The following GRID1 variants were observed in gnomAD, a reference collection of about 807,000 sequenced individuals.
GRID1 encodes the protein glutamate receptor ionotropic, delta-1.
Under a neutral mutation model 98.0 loss-of-function variants are expected in GRID1, and 28 were observed. That is an observed-to-expected ratio of 0.29 (90% CI 0.21 to 0.39). The LOEUF (loss-of-function observed/expected upper bound fraction) is 0.39, where lower values mean the gene tolerates loss of function less well. Ranked by LOEUF, GRID1 falls within the 10% of genes least tolerant of loss-of-function variation. The probability of loss-of-function intolerance (pLI) is 1.00; values close to 1 mark genes in which losing one functional copy is unlikely to be tolerated. For missense variants in GRID1, 1,111 were observed against 1,340.5 expected (o/e 0.83, Z 2.67); for synonymous variants, 553 against 538.5 (o/e 1.03, Z -0.37).
chr10:86,268,078 A>G (rs953354711), intron 2 of GRID1, among the ~76,000 whole-genome samples: 2 of 152,136 alleles, frequency 1.3e-5, no homozygotes, highest in African/African-American at 4.8e-5. Context: ...TTCCCTAGAC[A>G]GTAAGCTTCT....
intron 2 of GRID1, among the ~76,000 whole-genome samples, chr10:86,301,677 A>G (rs780717438): frequency 1.3e-5 from 2 of 152,220 alleles, no homozygotes; most frequent in African/African-American, 2.4e-5. Flanking sequence ...TCCAAAAGCC[A>G]GTGCATCCAG....
intron 4 of GRID1, among the ~76,000 whole-genome samples, chr10:86,010,832 TA>T (rs1207681411): frequency 3.6e-5 from 5 of 137,710 alleles, no homozygotes; most frequent in Non-Finnish European, 4.8e-5. Flanking sequence ...AAAAAAAAAG[TA>T]ATGAGTTGAA....
At chr10:85,771,171 C>A (rs1387241038) in intron 8 of GRID1, among the ~76,000 whole-genome samples, 1 of 152,196 alleles carries the variant, frequency 6.6e-6, no homozygotes, top group Non-Finnish European at 1.5e-5. Flanking sequence ...CAATATTCAA[C>A]ACTCTTAAGG....
chr10:85,968,485 A>G (rs1842367788), intron 4 of GRID1, among the ~76,000 whole-genome samples: 1 of 151,412 alleles, frequency 6.6e-6, no homozygotes, highest in Non-Finnish European at 1.5e-5. Flanking sequence ...ACTGCCTGTA[A>G]TAACACTTTT....
intron 5 of GRID1, among the ~76,000 whole-genome samples, chr10:85,883,371 T>C (rs983151356): frequency 3.9e-5 from 6 of 152,228 alleles, no homozygotes; most frequent in African/African-American, 1.4e-4. Context: ...ATATTCTACG[T>C]CAGATACTTC....
chr10:86,086,764 A>C (rs556402899), intron 4 of GRID1, among the ~76,000 whole-genome samples: 1 of 152,234 alleles, frequency 6.6e-6, no homozygotes, highest in Non-Finnish European at 1.5e-5. Context: ...GTGTGTGGAC[A>C]GTGTGTGTTG....
intron 12 of GRID1, among the ~76,000 whole-genome samples, chr10:85,658,343 C>T (rs1461755053): frequency 6.6e-6 from 1 of 152,224 alleles, no homozygotes; most frequent in Non-Finnish European, 1.5e-5. Flanking sequence ...TCTGCTAACA[C>T]TTGCTTTATA....
intron 12 of GRID1, among the ~76,000 whole-genome samples, chr10:85,677,777 G>A (rs1841161316): frequency 6.6e-6 from 1 of 152,148 alleles, no homozygotes; most frequent in South Asian, 2.1e-4. Context: ...AAAGAGGAGT[G>A]TTGAAGGAAA....
chr10:85,998,812 T>C (rs1207975979), intron 4 of GRID1, among the ~76,000 whole-genome samples: 2 of 152,060 alleles, frequency 1.3e-5, no homozygotes, highest in Non-Finnish European at 2.9e-5. Context: ...AGATAAAACA[T>C]CACAACAGAC....
At chr10:86,166,422 G>T (rs926994860) in intron 3 of GRID1, among the ~76,000 whole-genome samples, 1 of 152,226 alleles carries the variant, frequency 6.6e-6, no homozygotes, top group Non-Finnish European at 1.5e-5. Flanking sequence ...CGACATTTAT[G>T]CAGCCAACAG....
intron 8 of GRID1, among the ~76,000 whole-genome samples, chr10:85,731,169 A>C (rs1162172400): frequency 6.6e-6 from 1 of 152,184 alleles, no homozygotes; most frequent in Non-Finnish European, 1.5e-5. Context: ...ATGTAAAACC[A>C]TCAGAATAAG....
intron 4 of GRID1, among the ~76,000 whole-genome samples, chr10:85,998,646 T>C (rs1842767964): frequency 6.6e-6 from 1 of 151,938 alleles, no homozygotes; most frequent in Non-Finnish European, 1.5e-5. Context: ...ATAATAAAGA[T>C]CAGAAATCAA....
intron 5 of GRID1, among the ~76,000 whole-genome samples, chr10:85,890,516 C>A (rs1453876328): frequency 6.6e-6 from 1 of 152,180 alleles, no homozygotes; most frequent in Non-Finnish European, 1.5e-5. Flanking sequence ...ATCTTTTGGT[C>A]ATTCACTGTA....
At chr10:86,149,192 T>C (rs1233557768) in intron 3 of GRID1, among the ~76,000 whole-genome samples, 1 of 152,228 alleles carries the variant, frequency 6.6e-6, no homozygotes, top group Non-Finnish European at 1.5e-5. Context: ...TCTGTGATAA[T>C]GGAAATTCCA....
chr10:86,342,228 G>A (rs943009017), intron 2 of GRID1, among the ~76,000 whole-genome samples: 1 of 152,156 alleles, frequency 6.6e-6, no homozygotes, highest in South Asian at 2.1e-4. Context: ...CAGGTCACAC[G>A]GCCCTCATGC....
At chr10:86,033,811 C>A (rs1025942808) in intron 4 of GRID1, among the ~76,000 whole-genome samples, 2 of 152,226 alleles carry the variant, frequency 1.3e-5, no homozygotes, top group Non-Finnish European at 2.9e-5. Flanking sequence ...ACCACAGCAA[C>A]AAGTGCCCAA....
intron 4 of GRID1, among the ~76,000 whole-genome samples, chr10:86,042,216 T>TC (rs1220790962): frequency 2.6e-5 from 4 of 152,078 alleles, no homozygotes; most frequent in Non-Finnish European, 4.4e-5. Context: ...GCTTTCGCAA[T>TC]CCCCCCTGGG....
intron 4 of GRID1, among the ~76,000 whole-genome samples, chr10:85,952,114 C>T (rs950488923): frequency 1.3e-5 from 2 of 152,264 alleles, no homozygotes; most frequent in African/African-American, 4.8e-5. Context: ...ATTCTCCTTT[C>T]TGTCTCTTAT....
intron 2 of GRID1, among the ~76,000 whole-genome samples, chr10:86,351,816 G>A (rs11201987): frequency 0.21 from 32,509 of 152,172 alleles, 4,227 homozygotes; most frequent in East Asian, 0.49. Flanking sequence ...AATAACTGTA[G>A]CTGTTCTTTA....
Sources: gnomAD v4.1 joint callset for allele counts (sites outside exome capture counted in the v4.1 genomes callset) on GRCh38, gnomAD v4.1.1 for gene constraint, MANE v1.5 for transcripts, NCBI Gene and HGNC (gene_info 2026-07-23, HGNC 2026-07-21) for gene names.